Variants in WFIKKN1 observed in about 807,000 individuals in gnomAD.
The protein encoded by WFIKKN1 is WAP, Kazal, immunoglobulin, Kunitz and NTR domain-containing protein 1.
A neutral mutation model predicts 4.6 loss-of-function variants in WFIKKN1; 6 were observed. The ratio of observed to expected loss-of-function variants is 1.31; its 90% CI spans 0.72 to 2.59. The LOEUF is 2.59. WFIKKN1 is among the 30% of genes most tolerant of loss of function. The pLI is 0.00. For missense variants in WFIKKN1, 964 were observed against 818.0 expected, an observed-to-expected ratio of 1.18 and a Z score of -2.18; for synonymous variants, 468 against 367.4, an observed-to-expected ratio of 1.27 and a Z score of -3.13.
chr16:633,153 T>A lies in WFIKKN1; in HGVS notation c.743T>A (p.Leu248Gln). 6.2e-7 allele frequency: 1 copy of A among 1,604,188 alleles called. No homozygotes were observed. Among genetic ancestry groups the A allele is most frequent in the Non-Finnish European group, 8.5e-7 (1 of 1,174,042 alleles). The change falls in exon 2 of 2, where the codon CTG becomes CAG. Residue 248 changes from leucine to glutamine, a missense_variant. Physicochemically the swap from Leu to Gln is moderately radical, Grantham distance 113. Transcript: ENST00000319070. ...GNVVVTSIGQ[L>Q]VLYNARPEDA... Reference sequence around the variant, plus strand: ...GTGGTGGTCACCAGCATCGGGCAGCTGGTGCTCTACAACGCGCGGCCCGAA... The same window carrying A: ...GTGGTGGTCACCAGCATCGGGCAGCAGGTGCTCTACAACGCGCGGCCCGAA...
At position 631,310 on chromosome 16, in the gene WFIKKN1, G is replaced by T. The variant is rs774164237; in HGVS notation, c.57G>T (p.Gly19=). The T allele has an allele frequency of 3.1e-6, 5 of 1,600,692 alleles. No individual in the cohort carries two copies. The highest frequency in any genetic ancestry group is 1.3e-5 in the African/African-American group (1 of 74,800). The change falls in exon 1 of 2, where the codon GGG becomes GGT. Residue 19 remains glycine (G), a synonymous_variant. Coordinates refer to ENST00000319070, the MANE Select transcript of WFIKKN1 (RefSeq NM_053284.3). Reference sequence around the variant, plus strand: ...TGCTCCTCCTCCGGCTGACCTCGGGGGCTGGCTTGCTGCCAGGGCTGGGGA... The same window carrying T: ...TGCTCCTCCTCCGGCTGACCTCGGGTGCTGGCTTGCTGCCAGGGCTGGGGA... ...PLLLLLRLTS[G]AGLLPGLGSH...
rs1333960252 is a variant in WFIKKN1, at chr16:632,991, C to T, written c.581C>T (p.Pro194Leu). 5 of 1,597,978 alleles carry T rather than the reference C, an allele frequency of 3.1e-6. No homozygotes were observed. The highest frequency in any genetic ancestry group is 4.3e-6 in the Non-Finnish European group (5 of 1,171,358). ...CCTGCCCTGTACAGCAGCCCCTCCC[C>T]ACAGGCGGTGCAGGTTGGGGGTACG... The part of the protein sequence containing the change: ...VPPALYSSPS[P>L]QAVQVGGTAS... The change falls in exon 2 of 2, where the codon CCA becomes CTA. Residue 194 changes from proline to leucine, a missense_variant. Physicochemically the swap from Pro to Leu is moderately conservative, Grantham distance 98. Coordinates refer to ENST00000319070, the MANE Select transcript of WFIKKN1 (RefSeq NM_053284.3).
chr16:632,503 G>A, intron 1 of WFIKKN1, 79 bp from the exon 2 acceptor site: 2 of 1,391,256 alleles, frequency 1.4e-6, no homozygotes, highest in Middle Eastern at 2.2e-4. Flanking sequence ...CCCCACCTGG[G>A]CCTCCCCTTG....
rs148475508 is a variant in WFIKKN1 at position 632,673 on chromosome 16, C to A, written c.263C>A (p.Thr88Lys). ...ARFPGSPAAP[T>K]TAASCEGFVC... Reference sequence around the variant, plus strand: ...TTCCCCGGCAGCCCAGCTGCGCCGACGACAGCGGCCTCCTGCGAGGGCTTT... The same window carrying A: ...TTCCCCGGCAGCCCAGCTGCGCCGAAGACAGCGGCCTCCTGCGAGGGCTTT... The change falls in exon 2 of 2, where the codon ACG becomes AAG. Residue 88 changes from threonine to lysine, a missense_variant. By Grantham distance (78) the Thr-to-Lys change is moderately conservative. Transcript: ENST00000319070. The A allele has an allele frequency of 6.2e-6, 10 of 1,605,626 alleles. No individual in the cohort carries two copies. In the East Asian group the frequency reaches 2.0e-4, roughly 32 times the overall value.
chr16:633,139 C>A lies in WFIKKN1; in HGVS notation c.729C>A (p.Thr243=). The part of the protein sequence containing the change: ...PDQMYGNVVV[T]SIGQLVLYNA... ...AGATGTATGGCAACGTGGTGGTCAC[C>A]AGCATCGGGCAGCTGGTGCTCTACA... The change falls in exon 2 of 2, where the codon ACC becomes ACA. Residue 243 remains threonine, a synonymous_variant. Transcript: ENST00000319070. 1 of 1,605,780 alleles carries A rather than the reference C, an allele frequency of 6.2e-7. No homozygotes were observed. Among genetic ancestry groups the A allele is most frequent in the Non-Finnish European group, 8.5e-7 (1 of 1,175,106 alleles).
In WFIKKN1 at chr16:631,150, C is replaced by T. The variant is rs192117015; in HGVS notation, c.-104C>T. ...AGCCCCGGGGTCCTGGTGGGGGCAC[C>T]GACCACAGGCCCGGAGGGTGGATGC... On this transcript the variant is annotated 5_prime_UTR_variant, in exon 1 of 2. Transcript: ENST00000319070. The T allele has an allele frequency of 1.1e-4, 153 of 1,355,632 alleles. No homozygotes were observed. The African/African-American group carries it at 1.5e-3, about 13-fold the overall frequency. The allele number at this position is 1,355,632 out of a possible 1,614,324, so 84.0% of individuals were successfully genotyped here.
At position 633,442 on chromosome 16, in the gene WFIKKN1, C is replaced by T. The variant is rs1209328346; in HGVS notation, c.1032C>T (p.Tyr344=). 5.2e-6 allele frequency: 8 copies of T among 1,544,674 alleles called. No homozygotes were observed. Among genetic ancestry groups the T allele is most frequent in the East Asian group, 4.8e-5 (2 of 41,440 alleles). The change falls in exon 2 of 2, where the codon TAC becomes TAT. Residue 344 remains tyrosine, a synonymous_variant. Coordinates refer to ENST00000319070, the MANE Select transcript of WFIKKN1 (RefSeq NM_053284.3). ...CDGAARGFET[Y]EACQQACARG... is the part of the protein sequence containing the mutation. ...GGGCGGCCCGCGGCTTTGAGACCTA[C>T]GAGGCATGCCAGCAGGCCTGTGCCC...
intron 1 of WFIKKN1, 60 bp from the exon 2 acceptor site, chr16:632,522 A>G (rs2036963027): frequency 2.1e-6 from 3 of 1,426,814 alleles, no homozygotes; most frequent in African/African-American, 1.5e-5. Flanking sequence ...TGCAGGGGCC[A>G]GGCCAGAGCC....
intron 1 of WFIKKN1, 38 bp from the exon 2 acceptor site, chr16:632,544 G>T (rs759658632): frequency 1.8e-5 from 26 of 1,464,728 alleles, no homozygotes; most frequent in Non-Finnish European, 2.3e-5. Context: ...CGGGGCGGGG[G>T]GCATTGGGGC....
Position 631,274 on chromosome 16 carries a change from C to T in WFIKKN1, c.21C>T (p.Leu7=). MPALRP[L]LPLLLLLRLT... ...CCCTCATGCCCGCCCTACGTCCACT[C>T]CTGCCGCTCCTGCTCCTCCTCCGGC... is the stretch of plus-strand genomic sequence containing the variant. Residue 7 remains leucine (L), a synonymous_variant, in exon 1 of 2, where the codon CTC becomes CTT. Coordinates refer to ENST00000319070, the MANE Select transcript of WFIKKN1 (RefSeq NM_053284.3). 2 of 1,580,238 alleles carry T rather than the reference C, an allele frequency of 1.3e-6. No homozygotes were observed. Among genetic ancestry groups the T allele is most frequent in the Non-Finnish European group, 1.7e-6 (2 of 1,170,716 alleles).
rs1171800983 is a variant in WFIKKN1, at chr16:633,685, G to C, written c.1275G>C (p.Lys425Asn). Residue 425 changes from lysine to asparagine, a missense_variant, in exon 2 of 2, where the codon AAG becomes AAC. By Grantham distance (94) the Lys-to-Asn change is moderately conservative (BLOSUM62 0). Transcript: ENST00000319070. ...GCCGCGCCTGCCGCCTCCGGAGCAA[G>C]CTGGCGCTGAGCCTGTGCCGCAGCG... ...PPCRACRLRS[K>N]LALSLCRSDF... The C allele has an allele frequency of 1.9e-6, 3 of 1,582,604 alleles. No homozygotes were observed. The highest frequency in any genetic ancestry group is 2.6e-6 in the Non-Finnish European group (3 of 1,165,254).
intron 1 of WFIKKN1, 68 bp from the exon 2 acceptor site, chr16:632,514 C>T: frequency 1.4e-6 from 2 of 1,401,548 alleles, no homozygotes; most frequent in Non-Finnish European, 1.9e-6. Context: ...CCTCCCCTTG[C>T]AGGGGCCAGG....
At position 633,064 on chromosome 16, in the gene WFIKKN1, C is replaced by T; in HGVS notation, c.654C>T (p.Thr218=). The T allele has an allele frequency of 6.2e-6, 10 of 1,612,188 alleles. No individual in the cohort carries two copies. Among genetic ancestry groups the T allele is most frequent in the Non-Finnish European group, 7.6e-6 (9 of 1,179,580 alleles). Residue 218 remains threonine, a synonymous_variant, in exon 2 of 2, where the codon ACC becomes ACT. Coordinates refer to ENST00000319070, the MANE Select transcript of WFIKKN1 (RefSeq NM_053284.3). ...GCGGCCGCCCGCCGCCTGCTGTGACCTGGGAGAAGCAGAGTCACCAGCGAG... is the reference window on the plus strand; with the variant it reads ...GCGGCCGCCCGCCGCCTGCTGTGACTTGGGAGAAGCAGAGTCACCAGCGAG... ...DVSGRPPPAV[T]WEKQSHQREN... is the part of the protein sequence containing the mutation.
chr16:633,040 CG>C lies in WFIKKN1; in HGVS notation c.632del (p.Gly211AlafsTer7). ...CGGCCAGCCTCCACTGCGACGTCAG[CG>C]GCCGCCCGCCGCCTGCTGTGACCTG... ...GTASLHCDVS[G>X]RPPPAVTWEK... On this transcript the variant is annotated frameshift_variant, in exon 2 of 2. Coordinates refer to ENST00000319070, the MANE Select transcript of WFIKKN1 (RefSeq NM_053284.3). LOFTEE classifies it low-confidence loss of function (END_TRUNC). The C allele has an allele frequency of 6.2e-7, 1 of 1,610,900 alleles. No individual in the cohort carries two copies.
chr16:633,459 C>A lies in WFIKKN1; in HGVS notation c.1049C>A (p.Ala350Asp). The A allele has an allele frequency of 6.5e-7, 1 of 1,531,506 alleles. No individual in the cohort carries two copies. Among genetic ancestry groups the A allele is most frequent in the South Asian group, 1.2e-5 (1 of 82,814 alleles). The allele number at this position is 1,531,506 out of a possible 1,614,324, so 94.9% of individuals were successfully genotyped here. A position where few individuals can be genotyped will look rare whatever the true frequency, so the allele number is the denominator to read the frequency against. Residue 350 changes from alanine to aspartate, a missense_variant, in exon 2 of 2, where the codon GCC becomes GAC. By Grantham distance (126) the Ala-to-Asp change is moderately radical. Transcript: ENST00000319070. ...GFETYEACQQ[A>D]CARGPGDACV... The stretch of plus-strand genomic sequence containing the variant: ...GAGACCTACGAGGCATGCCAGCAGG[C>A]CTGTGCCCGCGGCCCCGGCGACGCC...
chr16:633,755 G>C lies in WFIKKN1; in HGVS notation c.1345G>C (p.Glu449Gln). The change falls in exon 2 of 2, where the codon GAG becomes CAG. Residue 449 changes from glutamate (E) to glutamine (Q), a missense_variant. Transcript: ENST00000319070. The stretch of plus-strand genomic sequence containing the variant: ...GCTCACGGAGGTGCTGGAGGAGCCC[G>C]AGGCCGCCGGCGGCATCGCCCGCGT... ...GRLTEVLEEP[E>Q]AAGGIARVAL... is the part of the protein sequence containing the mutation. 6.3e-7 allele frequency: 1 copy of C among 1,594,312 alleles called. No individual in the cohort carries two copies. Among genetic ancestry groups the C allele is most frequent in the Non-Finnish European group, 8.5e-7 (1 of 1,171,244 alleles).
chr16:632,974 G>A lies in WFIKKN1; in HGVS notation c.564G>A (p.Leu188=). The part of the protein sequence containing the change: ...TPGAAPVPPA[L]YSSPSPQAVQ... ...GGGCCGCGCCCGTGCCTCCTGCCCT[G>A]TACAGCAGCCCCTCCCCACAGGCGG... The change falls in exon 2 of 2, where the codon CTG becomes CTA. Residue 188 remains leucine, a synonymous_variant. Transcript: ENST00000319070. The A allele has an allele frequency of 6.3e-7, 1 of 1,591,744 alleles. No homozygotes were observed. The highest frequency in any genetic ancestry group is 8.6e-7 in the Non-Finnish European group (1 of 1,168,370).
At position 633,041 on chromosome 16, in the gene WFIKKN1, G is replaced by A. The variant is rs751716442; in HGVS notation, c.631G>A (p.Gly211Ser). Reference sequence around the variant, plus strand: ...GGCCAGCCTCCACTGCGACGTCAGCGGCCGCCCGCCGCCTGCTGTGACCTG... The same window carrying A: ...GGCCAGCCTCCACTGCGACGTCAGCAGCCGCCCGCCGCCTGCTGTGACCTG... ...GTASLHCDVS[G>S]RPPPAVTWEK... Residue 211 changes from glycine to serine, a missense_variant, in exon 2 of 2, where the codon GGC (glycine) becomes AGC (serine). By Grantham distance (56) the Gly-to-Ser change is moderately conservative. Coordinates refer to ENST00000319070, the MANE Select transcript of WFIKKN1 (RefSeq NM_053284.3). The A allele has an allele frequency of 4.3e-6, 7 of 1,611,358 alleles. No homozygotes were observed. The East Asian group carries it at 6.7e-5, about 15-fold the overall frequency.
In WFIKKN1 at chr16:633,547, G is replaced by A. The variant is rs148648187; in HGVS notation, c.1137G>A (p.Pro379=). 4.0e-3 allele frequency: 6,197 copies of A among 1,535,716 alleles called. 14 individuals are homozygous for A. Among genetic ancestry groups the A allele is most frequent in the Middle Eastern group, 6.3e-3 (37 of 5,850 alleles). ...GGGAGCCGCGCTGGGCCTACAGCCC[G>A]CTGCTGCAGCAGTGCCATCCCTTCG... ...RGWEPRWAYS[P]LLQQCHPFVY... The change falls in exon 2 of 2, where the codon CCG becomes CCA. Residue 379 remains proline, a synonymous_variant. Transcript: ENST00000319070.
Sources: allele counts gnomAD v4.1 joint callset, GRCh38; gene constraint gnomAD v4.1.1; transcripts MANE v1.5; gene names NCBI Gene and HGNC (gene_info 2026-07-23, HGNC 2026-07-21).